Variants in CA10 observed in about 807,000 individuals in gnomAD.
The protein encoded by CA10 is carbonic anhydrase 10 (inactive).
CA10 carries 14 observed loss-of-function variants against 44.2 expected under a neutral mutation model. The observed-to-expected ratio is 0.32, with a 90% CI of 0.21 to 0.50. The LOEUF (loss-of-function observed/expected upper bound fraction) is 0.50, where lower values mean the gene tolerates loss of function less well. Ranked by LOEUF, CA10 falls within the 20% of genes least tolerant of loss-of-function variation. The pLI, the probability that CA10 is intolerant of heterozygous loss-of-function variation, is 0.99. For missense variants in CA10, 350 were observed against 409.7 expected, an observed-to-expected ratio of 0.85 and a Z score of 1.26; for synonymous variants, 159 against 141.6, an observed-to-expected ratio of 1.12 and a Z score of -0.87.
intron 3 of CA10, among the ~76,000 whole-genome samples, chr17:51,852,362 A>G (rs1158977251): frequency 6.6e-6 from 1 of 152,204 alleles, no homozygotes; most frequent in Non-Finnish European, 1.5e-5. Flanking sequence ...GAAACTGCAG[A>G]CAAAAAAGCC....
chr17:51,832,200 G>A (rs1211303641), intron 3 of CA10, among the ~76,000 whole-genome samples: 2 of 152,188 alleles, frequency 1.3e-5, no homozygotes, highest in Admixed American at 6.5e-5. Context: ...CAATAGCCCT[G>A]CCTCATGGAT....
intron 4 of CA10, among the ~76,000 whole-genome samples, chr17:51,744,459 G>A (rs1204228104): frequency 6.6e-6 from 1 of 152,020 alleles, no homozygotes; most frequent in Non-Finnish European, 1.5e-5. Context: ...TCCAGTAATG[G>A]GGCTGAGTGC....
At chr17:51,782,747 T>C (rs1906113124) in intron 3 of CA10, among the ~76,000 whole-genome samples, 1 of 152,192 alleles carries the variant, frequency 6.6e-6, no homozygotes, top group Admixed American at 6.5e-5. Flanking sequence ...GGAGCTTAGA[T>C]CCTTCCAATA....
At chr17:51,816,326 A>G (rs1907563504) in intron 3 of CA10, among the ~76,000 whole-genome samples, 1 of 152,194 alleles carries the variant, frequency 6.6e-6, no homozygotes, top group Non-Finnish European at 1.5e-5. Flanking sequence ...GCTGATGGAC[A>G]CTTAGGTTGC....
rs558654739 is a variant in CA10 at position 52,050,212 on chromosome 17, G to A, written c.136+22107C>T. Among the ~76,000 whole-genome samples, 150 of 152,118 alleles carry A rather than the reference G, an allele frequency of 9.9e-4. 1 individual carries two copies. Among genetic ancestry groups the A allele is most frequent in the Non-Finnish European group, 1.6e-3 (111 of 67,968 alleles). ...GACAATGGCACCATCATTCATGGAG[G>A]TGTTGTAAATCCAAACTTAAGATTC... On this transcript the variant is annotated intron_variant, in intron 2 of 8. Coordinates refer to ENST00000451037, the MANE Select transcript of CA10 (RefSeq NM_020178.5).
intron 3 of CA10, among the ~76,000 whole-genome samples, chr17:51,769,742 C>T (rs1224970878): frequency 6.6e-6 from 1 of 152,150 alleles, no homozygotes; most frequent in African/African-American, 2.4e-5. Flanking sequence ...TGGGCACTCA[C>T]CAGTGCATCC....
chr17:51,717,560 T>A lies in CA10; in HGVS notation c.465+30073A>T, dbSNP rs1460958194. ...ATATATATATATATATATATATATA[T>A]AATATTACATAAATATATAAAAATA... On this transcript the variant is annotated intron_variant, in intron 4 of 8. Transcript: ENST00000451037. Among the ~76,000 whole-genome samples, 19 of 127,308 alleles carry A rather than the reference T, an allele frequency of 1.5e-4. 2 individuals are homozygous for A. The highest frequency in any genetic ancestry group is 7.5e-4 in the South Asian group (3 of 4,020). 83.5% of individuals were successfully genotyped at this position (127,308 alleles called of 152,430 possible). A position where few individuals can be genotyped will look rare whatever the true frequency, so the allele number is the denominator to read the frequency against.
At chr17:52,100,636 C>T (rs1988516286) in intron 1 of CA10, among the ~76,000 whole-genome samples, 2 of 152,180 alleles carry the variant, frequency 1.3e-5, no homozygotes, top group African/African-American at 4.8e-5. Flanking sequence ...CTTATCCTGT[C>T]TCAGTTCTCC....
intron 4 of CA10, among the ~76,000 whole-genome samples, chr17:51,703,085 G>A (rs1915652569): frequency 6.6e-6 from 1 of 152,172 alleles, no homozygotes; most frequent in South Asian, 2.1e-4. Flanking sequence ...GGGAGGTTAA[G>A]TGTCTTTCTC....
At chr17:51,632,624 C>A (rs1912632786) in intron 8 of CA10, among the ~76,000 whole-genome samples, 1 of 152,142 alleles carries the variant, frequency 6.6e-6, no homozygotes, top group Admixed American at 6.6e-5. Context: ...GGCATAGGAA[C>A]TGTCACGAAG....
intron 2 of CA10, among the ~76,000 whole-genome samples, chr17:51,942,755 G>A (rs1983133109): frequency 6.6e-6 from 1 of 151,940 alleles, no homozygotes; most frequent in South Asian, 2.1e-4. Context: ...CTAAAAATTG[G>A]GCTAGGTCCA....
At chr17:52,135,808 C>T (rs1989344631) in intron 1 of CA10, among the ~76,000 whole-genome samples, 1 of 152,168 alleles carries the variant, frequency 6.6e-6, no homozygotes, top group Admixed American at 6.5e-5. Flanking sequence ...CTTCTTAAAG[C>T]ATAACTACGA....
At chr17:51,990,639 A>G (rs1013274732) in intron 2 of CA10, among the ~76,000 whole-genome samples, 1 of 152,114 alleles carries the variant, frequency 6.6e-6, no homozygotes, top group Non-Finnish European at 1.5e-5. Flanking sequence ...TTCTCTTTTC[A>G]TTCTAATCAA....
intron 7 of CA10, among the ~76,000 whole-genome samples, chr17:51,634,636 A>G (rs1363301577): frequency 6.6e-6 from 1 of 152,204 alleles, no homozygotes; most frequent in Non-Finnish European, 1.5e-5. Context: ...AGGAGGACCC[A>G]TCTGCCTCCC....
At chr17:51,871,050 CTTTTT>C (rs56319440) in intron 3 of CA10, among the ~76,000 whole-genome samples, 20 of 94,852 alleles carry the variant, frequency 2.1e-4, no homozygotes, top group African/African-American at 3.6e-4. Flanking sequence ...TCCCACTTTA[CTTTTT>C]TTTTTTTTTT....
chr17:51,690,010 T>C lies in CA10; in HGVS notation c.466-36274A>G, dbSNP rs570011155. Among the ~76,000 whole-genome samples the C allele has an allele frequency of 2.5e-4, 38 of 152,056 alleles. 1 individual carries two copies. The Middle Eastern group carries it at 0.017, about 68-fold the overall frequency. ...TCAGCCAGGCTGGAGTGCAGTGGCATGATCTTGGCTCACTGCAACCACCAC... is the reference window on the plus strand; with the variant it reads ...TCAGCCAGGCTGGAGTGCAGTGGCACGATCTTGGCTCACTGCAACCACCAC... On this transcript the variant is annotated intron_variant, in intron 4 of 8. Transcript: ENST00000451037.
At chr17:51,828,566 A>C (rs1908118719) in intron 3 of CA10, among the ~76,000 whole-genome samples, 2 of 152,170 alleles carry the variant, frequency 1.3e-5, no homozygotes, top group South Asian at 2.1e-4. Flanking sequence ...CCTAGGACTT[A>C]TTATAGCCAA....
intron 3 of CA10, among the ~76,000 whole-genome samples, chr17:51,876,121 G>GTAGGTTTTA (rs1471692857): frequency 7.0e-6 from 1 of 142,850 alleles, no homozygotes; most frequent in East Asian, 2.1e-4. Context: ...ACATTCATGT[G>GTAGGTTTTA]TAGGTTTTAT....
At chr17:51,747,279 G>C (rs530152956) in intron 4 of CA10, among the ~76,000 whole-genome samples, 2 of 152,338 alleles carry the variant, frequency 1.3e-5, no homozygotes, top group East Asian at 3.9e-4. Flanking sequence ...TGTGACACGT[G>C]AGAGGCTGAT....
Sources: allele counts gnomAD v4.1 joint callset (sites outside exome capture counted in the v4.1 genomes callset), GRCh38; gene constraint gnomAD v4.1.1; transcripts MANE v1.5; gene names NCBI Gene and HGNC (gene_info 2026-07-23, HGNC 2026-07-21).